LUZP2: variants seen among roughly 807,000 people sequenced by gnomAD.
LUZP2 encodes the protein leucine zipper protein 2.
Under a neutral mutation model 51.6 loss-of-function variants are expected in LUZP2, and 52 were observed. That is an observed-to-expected ratio of 1.01 (90% CI 0.81 to 1.27). LUZP2 has a LOEUF of 1.27. Among genes scored for constraint, LUZP2 ranks in the 50% most tolerant of loss-of-function variants. The pLI is 0.00. For missense variants in LUZP2, 436 were observed against 395.4 expected (o/e 1.10, Z -0.87); for synonymous variants, 154 against 137.3 (o/e 1.12, Z -0.85).
chr11:25,059,547 A>G (rs1039431564), intron 10 of LUZP2, among the ~76,000 whole-genome samples: 2 of 152,222 alleles, frequency 1.3e-5, no homozygotes, highest in African/African-American at 2.4e-5. Flanking sequence ...TGCATGTATC[A>G]TAATGAAAAC....
At chr11:24,553,836 T>C (rs1851788905) in intron 1 of LUZP2, among the ~76,000 whole-genome samples, 3 of 152,134 alleles carry the variant, frequency 2.0e-5, no homozygotes, top group Admixed American at 2.0e-4. Context: ...GGCAGGAAAA[T>C]CTTCTTAGTG....
chr11:24,625,532 T>C (rs1440295165), intron 1 of LUZP2, among the ~76,000 whole-genome samples: 1 of 152,142 alleles, frequency 6.6e-6, no homozygotes, highest in African/African-American at 2.4e-5. Flanking sequence ...ATTCTACTTA[T>C]TTTCAATTAT....
chr11:24,750,509 A>G (rs1859538536), intron 4 of LUZP2, among the ~76,000 whole-genome samples: 1 of 152,260 alleles, frequency 6.6e-6, no homozygotes, highest in Non-Finnish European at 1.5e-5. Context: ...TTAAGAATAT[A>G]GAATCATCAT....
At chr11:24,720,926 A>G (rs185126903) in intron 1 of LUZP2, among the ~76,000 whole-genome samples, 1 of 152,232 alleles carries the variant, frequency 6.6e-6, no homozygotes, top group East Asian at 1.9e-4. Context: ...TGACCTCGTG[A>G]TCTGTCCGCC....
intron 5 of LUZP2, among the ~76,000 whole-genome samples, chr11:24,845,882 T>A (rs900545965): frequency 4.6e-5 from 7 of 152,118 alleles, no homozygotes; most frequent in African/African-American, 1.7e-4. Context: ...CTCAGGTATG[T>A]TTTTATCAGC....
intron 1 of LUZP2, among the ~76,000 whole-genome samples, chr11:24,534,328 A>G (rs1277774891): frequency 3.3e-5 from 5 of 151,206 alleles, no homozygotes; most frequent in African/African-American, 1.2e-4. Context: ...GTATATTTCC[A>G]TATAGAGAGA....
At chr11:24,544,880 C>G (rs1371918995) in intron 1 of LUZP2, among the ~76,000 whole-genome samples, 1 of 152,080 alleles carries the variant, frequency 6.6e-6, no homozygotes, top group Non-Finnish European at 1.5e-5. Flanking sequence ...TCCACAATGG[C>G]TGAACTAATT....
intron 5 of LUZP2, among the ~76,000 whole-genome samples, chr11:24,903,174 T>A (rs1853330890): frequency 6.6e-6 from 1 of 152,168 alleles, no homozygotes; most frequent in Admixed American, 6.5e-5. Context: ...TCAGTGTACA[T>A]CCCTTTATTG....
At chr11:24,658,450 T>G (rs1254978514) in intron 1 of LUZP2, among the ~76,000 whole-genome samples, 1 of 152,144 alleles carries the variant, frequency 6.6e-6, no homozygotes, top group Non-Finnish European at 1.5e-5. Flanking sequence ...ACTTAAATGT[T>G]AGACCTAAAA....
At chr11:24,777,756 T>C (rs2134067450) in intron 5 of LUZP2, among the ~76,000 whole-genome samples, 1 of 152,278 alleles carries the variant, frequency 6.6e-6, no homozygotes, top group South Asian at 2.1e-4. Flanking sequence ...GATATTATAG[T>C]ACATAATTCA....
chr11:24,725,667 C>T (rs140759470), intron 1 of LUZP2, among the ~76,000 whole-genome samples: 385 of 151,478 alleles, frequency 2.5e-3, no homozygotes, highest in Middle Eastern at 0.017. Flanking sequence ...GAACTAAAAC[C>T]CAGAGTGGAC....
chr11:24,801,154 A>C (rs1849687970), intron 5 of LUZP2, among the ~76,000 whole-genome samples: 1 of 152,158 alleles, frequency 6.6e-6, no homozygotes, highest in African/African-American at 2.4e-5. Context: ...TGCTGAATCA[A>C]CATATAACCC....
chr11:24,998,756 T>C (rs908563050), intron 9 of LUZP2, among the ~76,000 whole-genome samples: 1 of 152,212 alleles, frequency 6.6e-6, no homozygotes, highest in East Asian at 1.9e-4. Flanking sequence ...ACCTGGACTT[T>C]CAGCCAAAGA....
At chr11:24,601,804 A>G (rs558593532) in intron 1 of LUZP2, among the ~76,000 whole-genome samples, 37 of 149,952 alleles carry the variant, frequency 2.5e-4, no homozygotes, top group African/African-American at 8.5e-4. Flanking sequence ...TATCCATGGC[A>G]GCAATACAAG....
intron 1 of LUZP2, among the ~76,000 whole-genome samples, chr11:24,540,936 G>A (rs1851339057): frequency 6.6e-6 from 1 of 152,090 alleles, no homozygotes; most frequent in African/African-American, 2.4e-5. Context: ...TTCCAAAGAT[G>A]TAAACGTGAC....
chr11:24,621,722 A>T (rs1156517321), intron 1 of LUZP2, among the ~76,000 whole-genome samples: 1 of 152,198 alleles, frequency 6.6e-6, no homozygotes, highest in Non-Finnish European at 1.5e-5. Flanking sequence ...CTCATAGAAG[A>T]ATTACAAATA....
At chr11:24,743,526 T>G (rs1470875320) in intron 4 of LUZP2, among the ~76,000 whole-genome samples, 1 of 152,146 alleles carries the variant, frequency 6.6e-6, no homozygotes, top group Admixed American at 6.6e-5. Flanking sequence ...TACAGATTTG[T>G]GTACAGTAAT....
At chr11:25,040,882 C>T (rs1288933101) in intron 9 of LUZP2, among the ~76,000 whole-genome samples, 1 of 152,130 alleles carries the variant, frequency 6.6e-6, no homozygotes, top group Non-Finnish European at 1.5e-5. Context: ...TGGTTTGATT[C>T]CTGGAGAGTC....
intron 1 of LUZP2, among the ~76,000 whole-genome samples, chr11:24,537,741 G>T: frequency 6.6e-6 from 1 of 151,662 alleles, no homozygotes; most frequent in African/African-American, 2.4e-5. Flanking sequence ...AATTTTTTAC[G>T]GATACCTTTT....
Sources: gnomAD v4.1 joint callset for allele counts (sites outside exome capture counted in the v4.1 genomes callset) on GRCh38, gnomAD v4.1.1 for gene constraint, MANE v1.5 for transcripts, NCBI Gene and HGNC (gene_info 2026-07-23, HGNC 2026-07-21) for gene names.